The following CACNA2D1 variants were observed in gnomAD, a reference collection of about 807,000 sequenced individuals.
The protein encoded by CACNA2D1 is voltage-dependent calcium channel subunit alpha-2/delta-1.
CACNA2D1 carries 53 observed loss-of-function variants against 171.5 expected under a neutral mutation model. The ratio of observed to expected loss-of-function variants is 0.31; its 90% confidence interval spans 0.25 to 0.39. The LOEUF is 0.39. Ranked by LOEUF, CACNA2D1 falls within the 10% of genes least tolerant of loss-of-function variation. CACNA2D1 has a pLI of 1.00. For synonymous variants in CACNA2D1, 442 were observed against 443.1 expected (o/e 1.00, Z 0.03); for missense variants, 903 against 1,299.8 (o/e 0.69, Z 4.69).
chr7:82,124,720 T>C (rs1380614155), intron 5 of CACNA2D1, among the ~76,000 whole-genome samples: 2 of 152,148 alleles, frequency 1.3e-5, no homozygotes, highest in Non-Finnish European at 2.9e-5. Flanking sequence ...AAATCTGTGT[T>C]TTTCTTTCAT....
intron 3 of CACNA2D1, among the ~76,000 whole-genome samples, chr7:82,314,823 T>G (rs1054048394): frequency 2.6e-5 from 4 of 152,072 alleles, no homozygotes; most frequent in African/African-American, 4.8e-5. Flanking sequence ...ATTATGCCAA[T>G]GAAAATGTGA....
At chr7:82,228,002 T>C (rs1255387923) in intron 3 of CACNA2D1, among the ~76,000 whole-genome samples, 1 of 152,060 alleles carries the variant, frequency 6.6e-6, no homozygotes, top group African/African-American at 2.4e-5. Flanking sequence ...TCCCCTACCC[T>C]AGAGTGTGCG....
chr7:82,436,504 T>C (rs1830128916), intron 1 of CACNA2D1, among the ~76,000 whole-genome samples: 1 of 152,174 alleles, frequency 6.6e-6, no homozygotes, highest in South Asian at 2.1e-4. Flanking sequence ...TTGTCTTTGG[T>C]CTCTAAGGTG....
intron 11 of CACNA2D1, chr7:82,033,180 T>C: frequency 3.7e-6 from 1 of 273,298 alleles, no homozygotes; most frequent in Non-Finnish European, 7.0e-6. Flanking sequence ...ATGTTTTAAA[T>C]TGCAGTCTCC....
At chr7:82,326,174 C>T (rs1038598947) in intron 3 of CACNA2D1, among the ~76,000 whole-genome samples, 5 of 152,098 alleles carry the variant, frequency 3.3e-5, no homozygotes, top group African/African-American at 9.7e-5. Context: ...CTTAAATGTA[C>T]GTATAGCTCA....
At chr7:82,326,159 T>C (rs1816622513) in intron 3 of CACNA2D1, among the ~76,000 whole-genome samples, 1 of 152,206 alleles carries the variant, frequency 6.6e-6, no homozygotes, top group African/African-American at 2.4e-5. Context: ...TTCATATTAA[T>C]CTTTCTTAAA....
At chr7:82,180,622 T>C (rs879446731) in intron 3 of CACNA2D1, among the ~76,000 whole-genome samples, 1 of 151,988 alleles carries the variant, frequency 6.6e-6, no homozygotes, top group Non-Finnish European at 1.5e-5. Flanking sequence ...AGAAAGCCAC[T>C]CTCTAGGAGA....
intron 1 of CACNA2D1, among the ~76,000 whole-genome samples, chr7:82,393,181 C>G (rs10271433): frequency 7.0e-4 from 105 of 150,278 alleles, no homozygotes; most frequent in African/African-American, 2.1e-3. Context: ...GAGGGAGGGG[C>G]AATAACACTT....
chr7:81,992,959 C>T (rs1797697324), intron 20 of CACNA2D1, among the ~76,000 whole-genome samples: 1 of 152,078 alleles, frequency 6.6e-6, no homozygotes. Flanking sequence ...TAAATACAAA[C>T]TATTTTCAGA....
intron 3 of CACNA2D1, among the ~76,000 whole-genome samples, chr7:82,272,824 A>G (rs1419772158): frequency 6.6e-6 from 1 of 152,224 alleles, no homozygotes; most frequent in East Asian, 1.9e-4. Context: ...AAATTTAAAA[A>G]GTAGATCTTG....
intron 5 of CACNA2D1, among the ~76,000 whole-genome samples, chr7:82,122,446 G>A (rs1789848697): frequency 6.6e-6 from 1 of 152,156 alleles, no homozygotes; most frequent in Admixed American, 6.6e-5. Context: ...TAGTTTGCAT[G>A]AATGCCCATG....
chr7:82,266,863 G>A (rs1278507166), intron 3 of CACNA2D1, among the ~76,000 whole-genome samples: 1 of 152,078 alleles, frequency 6.6e-6, no homozygotes, highest in East Asian at 1.9e-4. Context: ...CCTATGTCCA[G>A]CTAAATTGTA....
intron 3 of CACNA2D1, among the ~76,000 whole-genome samples, chr7:82,308,763 C>G (rs1260439480): frequency 6.6e-6 from 1 of 152,156 alleles, no homozygotes; most frequent in Non-Finnish European, 1.5e-5. Flanking sequence ...TTAAATGGGC[C>G]TTTACCTATG....
chr7:82,191,686 A>T lies in CACNA2D1; in HGVS notation c.295-21077T>A, dbSNP rs539377664. Among the ~76,000 whole-genome samples the T allele has an allele frequency of 2.1e-4, 32 of 151,978 alleles. No homozygotes were observed. The East Asian group carries it at 5.8e-3, about 28-fold the overall frequency. ...AATCAAAGTCATAACATGAATAAATAATTTCCTTCCTCTCTTGTTAGAGGC... is the reference window on the plus strand; with the variant it reads ...AATCAAAGTCATAACATGAATAAATTATTTCCTTCCTCTCTTGTTAGAGGC... On this transcript the variant is annotated intron_variant, in intron 3 of 38. Transcript: ENST00000356860.
intron 3 of CACNA2D1, among the ~76,000 whole-genome samples, chr7:82,191,899 T>C (rs913709247): frequency 1.6e-4 from 24 of 151,752 alleles, no homozygotes; most frequent in Middle Eastern, 3.4e-3. Context: ...CTCAATGAGG[T>C]TTCATATTCA....
At chr7:82,292,492 T>C (rs1245653458) in intron 3 of CACNA2D1, among the ~76,000 whole-genome samples, 3 of 152,310 alleles carry the variant, frequency 2.0e-5, no homozygotes, top group Middle Eastern at 3.4e-3. Context: ...GGGAAAACAA[T>C]TTTTTGAAAA....
At chr7:82,312,559 G>A (rs950085509) in intron 3 of CACNA2D1, among the ~76,000 whole-genome samples, 1 of 145,954 alleles carries the variant, frequency 6.9e-6, no homozygotes, top group Non-Finnish European at 1.5e-5. Flanking sequence ...CTGTCACCTA[G>A]GCTGGAATGT....
chr7:82,282,362 G>C (rs1244541488), intron 3 of CACNA2D1, among the ~76,000 whole-genome samples: 1 of 152,176 alleles, frequency 6.6e-6, no homozygotes, highest in Non-Finnish European at 1.5e-5. Context: ...GATCCACCGA[G>C]TGATCTAGGG....
intron 3 of CACNA2D1, among the ~76,000 whole-genome samples, chr7:82,312,960 C>A (rs2129433915): frequency 6.6e-6 from 1 of 152,210 alleles, no homozygotes; most frequent in East Asian, 1.9e-4. Flanking sequence ...CTTTGTTTTT[C>A]TTGTTTCCAT....
Sources: gnomAD v4.1 joint callset for allele counts (sites outside exome capture counted in the v4.1 genomes callset) on GRCh38, gnomAD v4.1.1 for gene constraint, MANE v1.5 for transcripts, NCBI Gene and HGNC (gene_info 2026-07-23, HGNC 2026-07-21) for gene names.